The following DHTKD1 variants were observed in gnomAD, a reference collection of about 807,000 sequenced individuals.
DHTKD1 encodes the protein dehydrogenase E1 and transketolase domain containing 1.
In DHTKD1, 78 loss-of-function variants were observed where a neutral mutation model predicts 101.8. The ratio of observed to expected loss-of-function variants is 0.77; its 90% CI spans 0.64 to 0.93. DHTKD1 has a LOEUF of 0.93. Ranked by LOEUF, DHTKD1 falls within the 40% of genes least tolerant of loss-of-function variation. The pLI is 0.00. For synonymous variants in DHTKD1, 462 were observed against 450.3 expected (o/e 1.03, Z -0.33); for missense variants, 1,223 against 1,161.7 (o/e 1.05, Z -0.77).
intron 1 of DHTKD1, among the ~76,000 whole-genome samples, chr10:12,078,442 C>T (rs996265209): frequency 1.3e-5 from 2 of 150,470 alleles, no homozygotes; most frequent in Non-Finnish European, 3.0e-5. Context: ...AAAAACAAAA[C>T]CAACAAAAAC....
At chr10:12,101,285 C>T (rs772109469) in intron 10 of DHTKD1, 104 bp downstream of exon 10, 157 of 1,323,040 alleles carry the variant, frequency 1.2e-4, no homozygotes, top group Non-Finnish European at 1.5e-4. Flanking sequence ...GGGTTCAGTA[C>T]TTTTGGAAGT....
chr10:12,101,316 G>T lies in DHTKD1; in HGVS notation c.1896+135G>T, dbSNP rs993924509. On this transcript the variant is annotated intron_variant, in intron 10 of 16. Coordinates refer to ENST00000263035, the MANE Select transcript of DHTKD1 (RefSeq NM_018706.7). ...GAAGTAAAGGAGTGCTAAATGGGTGGATGAGGTGGGTCTGTCAATTTGGAA... is the reference window on the plus strand; with the variant it reads ...GAAGTAAAGGAGTGCTAAATGGGTGTATGAGGTGGGTCTGTCAATTTGGAA... The T allele has an allele frequency of 6.5e-6, 6 of 925,740 alleles. No individual in the cohort carries two copies. In the East Asian group the frequency reaches 1.6e-4, roughly 25 times the overall value. 57.3% of individuals were successfully genotyped at this position (925,740 alleles called of 1,614,324 possible). A position where few individuals can be genotyped will look rare whatever the true frequency, so the allele number is the denominator to read the frequency against.
chr10:12,113,948 AT>A (rs1416718238), intron 13 of DHTKD1, among the ~76,000 whole-genome samples: 7 of 152,220 alleles, frequency 4.6e-5, no homozygotes, highest in African/African-American at 1.7e-4. Flanking sequence ...TTTAAAGCCC[AT>A]ATGGTCTAAG....
chr10:12,107,529 C>T lies in DHTKD1; in HGVS notation c.2048-380C>T, dbSNP rs749062930. Among the ~76,000 whole-genome samples, 1 of 151,418 alleles carries T rather than the reference C, an allele frequency of 6.6e-6. No homozygotes were observed. The highest frequency in any genetic ancestry group is 1.5e-5 in the Non-Finnish European group (1 of 67,832). On this transcript the variant is annotated intron_variant, in intron 11 of 16. Transcript: ENST00000263035. This position sits in a 1 kb window ranked among gnomAD's most constrained non-coding sequence, Gnocchi z 4.1. ...ATCTCCCGGGGTCAAGTGATTCTCCCACCTCAGCCTCCCGAGTAGCTGGGA... is the reference window on the plus strand; with the variant it reads ...ATCTCCCGGGGTCAAGTGATTCTCCTACCTCAGCCTCCCGAGTAGCTGGGA...
Position 12,100,281 on chromosome 10 carries a change from TTTTCTG to T in DHTKD1, c.1756+23_1756+28del. Reference sequence around the variant, plus strand: ...GCTCAAGGTAAGAATTTTCTTTTTTTTTTCTGTTTTTTTTTTTTTTGAGTCTCACCC... The same window carrying T: ...GCTCAAGGTAAGAATTTTCTTTTTTTTTTTTTTTTTTTTTGAGTCTCACCC... On this transcript the variant is annotated intron_variant, in intron 9 of 16. Transcript: ENST00000263035. 1 of 937,636 alleles carries T rather than the reference TTTTCTG, an allele frequency of 1.1e-6. No homozygotes were observed. 58.1% of individuals were successfully genotyped at this position (937,636 alleles called of 1,614,324 possible).
In DHTKD1 at chr10:12,087,600, A is replaced by C; in HGVS notation, c.588A>C (p.Glu196Asp). Residue 196 changes from glutamate (E) to aspartate (D), a missense_variant, in exon 4 of 17, where the codon GAA becomes GAC. Coordinates refer to ENST00000263035, the MANE Select transcript of DHTKD1 (RefSeq NM_018706.7). This position sits in a 1 kb window ranked among gnomAD's most constrained non-coding sequence, Gnocchi z 5.2. ...AGCGATATGGAGGCGAAGGGGCTGA[A>C]AGCATGATGGGCTTTTTCCACGAGC... ...TVKRYGGEGA[E>D]SMMGFFHELL... The C allele has an allele frequency of 6.2e-7, 1 of 1,613,838 alleles. No homozygotes were observed. The highest frequency in any genetic ancestry group is 8.5e-7 in the Non-Finnish European group (1 of 1,179,944).
At chr10:12,075,744 T>G (rs1348032189) in intron 1 of DHTKD1, among the ~76,000 whole-genome samples, 1 of 152,190 alleles carries the variant, frequency 6.6e-6, no homozygotes, top group Non-Finnish European at 1.5e-5. Flanking sequence ...TATTTATTTT[T>G]CTATCCTTCC....
chr10:12,119,788 C>T (rs919337466), intron 15 of DHTKD1, among the ~76,000 whole-genome samples: 1 of 152,026 alleles, frequency 6.6e-6, no homozygotes, highest in Non-Finnish European at 1.5e-5. Context: ...ACCTGCATAA[C>T]AAACCTGCAC....
At chr10:12,084,512 A>C in intron 2 of DHTKD1, 28 bp from the exon 3 acceptor site, 1 of 1,385,548 alleles carries the variant, frequency 7.2e-7, no homozygotes, top group Non-Finnish European at 1.0e-6. Flanking sequence ...TTATTTTTTA[A>C]GATGACCCCT....
intron 12 of DHTKD1, among the ~76,000 whole-genome samples, chr10:12,109,912 CA>C (rs1833302164): frequency 6.6e-6 from 1 of 152,066 alleles, no homozygotes; most frequent in Non-Finnish European, 1.5e-5. Context: ...GTGGTAGGGA[CA>C]AAAGTCTGTC....
chr10:12,106,865 G>A (rs906634932), intron 11 of DHTKD1, among the ~76,000 whole-genome samples: 1 of 152,198 alleles, frequency 6.6e-6, no homozygotes, highest in Non-Finnish European at 1.5e-5. Context: ...GAAGAAAAGT[G>A]CCTGAGGGCC....
At chr10:12,118,940 G>T (rs768006989) in intron 15 of DHTKD1, 22 bp downstream of exon 15, 1 of 1,481,692 alleles carries the variant, frequency 6.7e-7, no homozygotes, top group East Asian at 2.6e-5. Flanking sequence ...TTCTCATTTG[G>T]GTTTTGATGT....
intron 3 of DHTKD1, 55 bp downstream of exon 3, chr10:12,084,806 T>G: frequency 6.5e-7 from 1 of 1,533,796 alleles, no homozygotes; most frequent in African/African-American, 1.4e-5. Flanking sequence ...ATCCCAGCAC[T>G]TTGGGAGGCC....
In DHTKD1 at chr10:12,119,508, T is replaced by C. The variant is rs370786277; in HGVS notation, c.2572+590T>C. 6.2e-3 allele frequency among the ~76,000 whole-genome samples: 904 copies of C among 145,826 alleles called. 4 individuals carry two copies. The highest frequency in any genetic ancestry group is 0.029 in the South Asian group (135 of 4,674). ...GCGGGCGCCTGTAGTCCCAGCTACT[T>C]GGGAGGCTGACGCAGGAGAATGGCG... On this transcript the variant is annotated intron_variant, in intron 15 of 16. Coordinates refer to ENST00000263035, the MANE Select transcript of DHTKD1 (RefSeq NM_018706.7).
intron 2 of DHTKD1, among the ~76,000 whole-genome samples, chr10:12,082,581 TG>T (rs1422275129): frequency 6.6e-6 from 1 of 151,538 alleles, no homozygotes; most frequent in Admixed American, 6.6e-5. Flanking sequence ...GGGGGTTACC[TG>T]GGCTTTGCAA....
rs1832945673 is a variant in DHTKD1 at position 12,088,979 on chromosome 10, A to G, written c.718-7A>G. ...CATTTTTTTCCTTTTGAATGTATCC[A>G]CAATAGCTGATGTTCCGTAAAATGC... On this transcript the variant is annotated splice_polypyrimidine_tract_variant and splice_region_variant and intron_variant, in intron 4 of 16. Coordinates refer to ENST00000263035, the MANE Select transcript of DHTKD1 (RefSeq NM_018706.7). 1 of 1,611,316 alleles carries G rather than the reference A, an allele frequency of 6.2e-7. No individual in the cohort carries two copies. The highest frequency in any genetic ancestry group is 8.5e-7 in the Non-Finnish European group (1 of 1,177,908).
rs1334012037 is a variant in DHTKD1, at chr10:12,103,521, G to GTA, written c.1896+2341_1896+2342insAT. Among the ~76,000 whole-genome samples the GTA allele has an allele frequency of 2.2e-4, 34 of 151,682 alleles. No homozygotes were observed. The highest frequency in any genetic ancestry group is 8.0e-4 in the African/African-American group (33 of 41,286). ...TGTGTGTGTGTGTGTGTGTGTGTGT[G>GTA]TGTGTGTATGTATGTGACAGGTCCT... is the stretch of plus-strand genomic sequence containing the variant. On this transcript the variant is annotated intron_variant, in intron 10 of 16. Transcript: ENST00000263035. This position sits in a 1 kb window ranked among gnomAD's most constrained non-coding sequence, Gnocchi z 4.8.
At chr10:12,106,179 T>C in intron 10 of DHTKD1, 67 bp from the exon 11 acceptor site, 1 of 1,557,152 alleles carries the variant, frequency 6.4e-7, no homozygotes, top group Non-Finnish European at 8.8e-7. Flanking sequence ...CTTCGATAAG[T>C]TCGCAGGAGC....
rs1832919783 is a variant in DHTKD1, at chr10:12,087,474, G to A, written c.523-61G>A. The A allele has an allele frequency of 2.1e-6, 3 of 1,456,872 alleles. No individual in the cohort carries two copies. Among genetic ancestry groups the A allele is most frequent in the Non-Finnish European group, 2.8e-6 (3 of 1,069,836 alleles). The allele number at this position is 1,456,872 out of a possible 1,614,324, so 90.2% of individuals were successfully genotyped here. On this transcript the variant is annotated intron_variant, in intron 3 of 16. Coordinates refer to ENST00000263035, the MANE Select transcript of DHTKD1 (RefSeq NM_018706.7). This position sits in a 1 kb window ranked among gnomAD's most constrained non-coding sequence, Gnocchi z 5.2. ...TCTCACAACACACACAGACTTATCT[G>A]CCTTCCACTGGAGAAGCTGGCTGTC...
Sources: allele counts gnomAD v4.1 joint callset (sites outside exome capture counted in the v4.1 genomes callset), GRCh38; gene constraint gnomAD v4.1.1; non-coding constraint Gnocchi (gnomAD v3.1); transcripts MANE v1.5; gene names NCBI Gene and HGNC (gene_info 2026-07-23, HGNC 2026-07-21).